The following NUDT9 variants were observed in gnomAD, a reference collection of about 807,000 sequenced individuals.
NUDT9 encodes nudix hydrolase 9, also known as ADP-ribose pyrophosphatase.
NUDT9 carries 31 observed loss-of-function variants against 41.0 expected under a neutral mutation model. The ratio of observed to expected loss-of-function variants is 0.76; its 90% CI spans 0.57 to 1.02. The LOEUF is 1.02. Among genes scored for constraint, NUDT9 ranks in the 50% least tolerant of loss-of-function variants. The pLI, the probability that NUDT9 is intolerant of heterozygous loss-of-function variation, is 0.00. For synonymous variants in NUDT9, 146 were observed against 147.6 expected, an observed-to-expected ratio of 0.99 and a Z score of 0.08; for missense variants, 380 against 431.4, an observed-to-expected ratio of 0.88 and a Z score of 1.06.
chr4:87,457,029 A>G (rs1723019811), intron 7 of NUDT9, among the ~76,000 whole-genome samples: 1 of 152,144 alleles, frequency 6.6e-6, no homozygotes, highest in Non-Finnish European at 1.5e-5. Flanking sequence ...TCAAAGAGGA[A>G]TTACTGGATT....
intron 5 of NUDT9, among the ~76,000 whole-genome samples, chr4:87,451,312 A>C (rs1036947360): frequency 6.6e-6 from 1 of 152,206 alleles, no homozygotes; most frequent in African/African-American, 2.4e-5. Context: ...TCTAACCTCC[A>C]GTCCTTTTTC....
At chr4:87,449,381 T>C (rs1357939742) in intron 5 of NUDT9, 128 bp downstream of exon 5, 4 of 606,900 alleles carry the variant, frequency 6.6e-6, no homozygotes, top group South Asian at 3.7e-5. Flanking sequence ...GTAATTCTTA[T>C]GTTTTTCATC....
rs533989864 is a variant in NUDT9, at chr4:87,451,842, T to G, written c.789+107T>G. The G allele has an allele frequency of 5.7e-6, 5 of 877,752 alleles. No homozygotes were observed. In the South Asian group the frequency reaches 9.8e-5, roughly 17 times the overall value. The allele number at this position is 877,752 out of a possible 1,614,324, so 54.4% of individuals were successfully genotyped here. ...TCCTTCTCTAAATAAAGTGGAATAC[T>G]TGTATATTTAAAATATATTCACAAA... On this transcript the variant is annotated intron_variant, in intron 6 of 7. Transcript: ENST00000302174.
At chr4:87,445,924 C>T (rs1357020245) in intron 4 of NUDT9, among the ~76,000 whole-genome samples, 1 of 151,844 alleles carries the variant, frequency 6.6e-6, no homozygotes, top group East Asian at 1.9e-4. Flanking sequence ...TCCCCAGTAG[C>T]ATCTCTCTCT....
chr4:87,439,132 C>A (rs1722085115), intron 3 of NUDT9, among the ~76,000 whole-genome samples: 1 of 151,384 alleles, frequency 6.6e-6, no homozygotes, highest in Non-Finnish European at 1.5e-5. Context: ...CGCCACTGCA[C>A]TCCAGCCTGG....
chr4:87,436,430 C>T (rs1721938225), intron 2 of NUDT9, among the ~76,000 whole-genome samples: 1 of 152,196 alleles, frequency 6.6e-6, no homozygotes, highest in Admixed American at 6.5e-5. Flanking sequence ...CCCACTTCAG[C>T]CTCCTGAGCA....
intron 7 of NUDT9, among the ~76,000 whole-genome samples, chr4:87,456,792 G>A (rs1434077290): frequency 4.6e-5 from 7 of 152,248 alleles, no homozygotes; most frequent in Admixed American, 2.6e-4. Context: ...TTAGCTGGGC[G>A]TGGTGGCAGA....
At chr4:87,457,236 A>ATTTTT (rs34596563) in intron 7 of NUDT9, among the ~76,000 whole-genome samples, 1 of 126,648 alleles carries the variant, frequency 7.9e-6, no homozygotes, top group Non-Finnish European at 1.6e-5. Context: ...GATAATTTAA[A>ATTTTT]TTTTTTTTTT....
chr4:87,426,513 G>A (rs1034107919), intron 1 of NUDT9, among the ~76,000 whole-genome samples: 6 of 151,770 alleles, frequency 4.0e-5, no homozygotes, highest in Non-Finnish European at 7.4e-5. Flanking sequence ...GGGTTCAAGC[G>A]ATTCTCCTGC....
At chr4:87,425,045 T>C (rs775441336) in intron 1 of NUDT9, among the ~76,000 whole-genome samples, 1 of 152,058 alleles carries the variant, frequency 6.6e-6, no homozygotes, top group South Asian at 2.1e-4. Context: ...TGATACAATG[T>C]CTCAAGAAAA....
chr4:87,452,834 T>A (rs976631185), intron 6 of NUDT9, among the ~76,000 whole-genome samples: 2 of 134,716 alleles, frequency 1.5e-5, no homozygotes, highest in South Asian at 2.4e-4. Context: ...TTTTTTGAGA[T>A]GAAGTCTCGC....
Position 87,422,804 on chromosome 4 carries a change from C to T in NUDT9, c.-102C>T. 1.3e-6 allele frequency: 1 copy of T among 799,302 alleles called. No individual in the cohort carries two copies. Among genetic ancestry groups the T allele is most frequent in the South Asian group, 1.6e-5 (1 of 62,950 alleles). The allele number at this position is 799,302 out of a possible 1,614,324, so 49.5% of individuals were successfully genotyped here. A position where few individuals can be genotyped will look rare whatever the true frequency, so the allele number is the denominator to read the frequency against. Reference sequence around the variant, plus strand: ...CCCAACGGCAGACAGGTCCTAGTGCCCATCAGATACCCGCGGCCGGGACTC... The same window carrying T: ...CCCAACGGCAGACAGGTCCTAGTGCTCATCAGATACCCGCGGCCGGGACTC... On this transcript the variant is annotated 5_prime_UTR_variant, in exon 1 of 8. Transcript: ENST00000302174.
chr4:87,433,005 G>C (rs1721755363), intron 1 of NUDT9, among the ~76,000 whole-genome samples: 3 of 152,032 alleles, frequency 2.0e-5, no homozygotes, highest in African/African-American at 7.2e-5. Flanking sequence ...GGATAATGCT[G>C]GCCTCAGAGT....
chr4:87,447,677 C>T (rs1316295185), intron 4 of NUDT9, among the ~76,000 whole-genome samples: 1 of 151,940 alleles, frequency 6.6e-6, no homozygotes, highest in Non-Finnish European at 1.5e-5. Flanking sequence ...AACCCATAAG[C>T]AATTCAATTT....
chr4:87,436,780 G>A (rs1431504060), intron 2 of NUDT9, among the ~76,000 whole-genome samples: 3 of 152,174 alleles, frequency 2.0e-5, no homozygotes, highest in Non-Finnish European at 4.4e-5. Context: ...TTCCCAAACA[G>A]ACCACAGATA....
Position 87,451,640 on chromosome 4 carries a change from G to T in NUDT9, c.694G>T (p.Gly232Cys), listed in dbSNP as rs1722712944. The change falls in exon 6 of 8, where the codon GGT becomes TGT. Residue 232 changes from glycine to cysteine, a missense_variant. Transcript: ENST00000302174. ...KISATLKREF[G>C]EEALNSLQKT... Reference sequence around the variant, plus strand: ...TAGTGCCACACTGAAAAGAGAATTTGGTGAGGAAGCTCTCAACTCCTTACA... The same window carrying T: ...TAGTGCCACACTGAAAAGAGAATTTTGTGAGGAAGCTCTCAACTCCTTACA... The T allele has an allele frequency of 6.2e-7, 1 of 1,613,684 alleles. No individual in the cohort carries two copies. Among genetic ancestry groups the T allele is most frequent in the Non-Finnish European group, 8.5e-7 (1 of 1,179,654 alleles).
intron 2 of NUDT9, among the ~76,000 whole-genome samples, chr4:87,436,300 C>G (rs752646613): frequency 1.2e-4 from 18 of 152,126 alleles, no homozygotes; most frequent in Non-Finnish European, 2.4e-4. Flanking sequence ...ACTTTGTACC[C>G]TTTGACCATC....
At chr4:87,436,904 G>T (rs1034834590) in intron 2 of NUDT9, among the ~76,000 whole-genome samples, 1 of 152,114 alleles carries the variant, frequency 6.6e-6, no homozygotes, top group African/African-American at 2.4e-5. Flanking sequence ...TGCAATTATG[G>T]CAGGGATTTT....
chr4:87,443,668 G>C (rs911602769), intron 4 of NUDT9, among the ~76,000 whole-genome samples: 4 of 152,186 alleles, frequency 2.6e-5, no homozygotes, highest in African/African-American at 9.6e-5. Context: ...CCCAAGAAAG[G>C]CTTTATAAAG....
Sources: allele counts gnomAD v4.1 joint callset (sites outside exome capture counted in the v4.1 genomes callset), GRCh38; gene constraint gnomAD v4.1.1; transcripts MANE v1.5; gene names NCBI Gene and HGNC (gene_info 2026-07-23, HGNC 2026-07-21).